Variants in PACS1 observed in about 807,000 individuals in gnomAD.
The protein encoded by PACS1 is PACS-1.
PACS1 carries 24 observed loss-of-function variants against 115.0 expected under a neutral mutation model. That is an observed-to-expected ratio of 0.21 (90% CI 0.15 to 0.29). PACS1 has a LOEUF of 0.29. Among genes scored for constraint, PACS1 ranks in the 10% least tolerant of loss-of-function variants. PACS1 has a pLI of 1.00. For missense variants in PACS1, 838 were observed against 1,251.2 expected, an observed-to-expected ratio of 0.67 and a Z score of 4.98; for synonymous variants, 453 against 504.5, an observed-to-expected ratio of 0.90 and a Z score of 1.37.
chr11:66,074,110 T>C (rs1468864073), intron 1 of PACS1, among the ~76,000 whole-genome samples: 1 of 151,800 alleles, frequency 6.6e-6, no homozygotes. Flanking sequence ...ATGTCCATGA[T>C]TAGAAATTTG....
At chr11:66,098,646 C>G (rs1226699523) in intron 1 of PACS1, among the ~76,000 whole-genome samples, 1 of 152,164 alleles carries the variant, frequency 6.6e-6, no homozygotes, top group Non-Finnish European at 1.5e-5. Context: ...GTTTGCTGCC[C>G]CAACTATATC....
intron 1 of PACS1, among the ~76,000 whole-genome samples, chr11:66,076,072 G>C (rs1024759544): frequency 1.3e-5 from 2 of 152,154 alleles, no homozygotes. Context: ...TGTACCTTAG[G>C]AGATTTGAAT....
At chr11:66,127,648 T>A (rs1858611842) in intron 1 of PACS1, among the ~76,000 whole-genome samples, 1 of 152,198 alleles carries the variant, frequency 6.6e-6, no homozygotes, top group Non-Finnish European at 1.5e-5. Context: ...CTGTGTGTAT[T>A]TCAGACAGCG....
At chr11:66,135,354 T>A (rs1250098787) in intron 1 of PACS1, among the ~76,000 whole-genome samples, 1 of 152,156 alleles carries the variant, frequency 6.6e-6, no homozygotes, top group Middle Eastern at 3.4e-3. Flanking sequence ...GAAGCCACGC[T>A]AAGGACTCAT....
intron 1 of PACS1, among the ~76,000 whole-genome samples, chr11:66,131,317 T>C (rs930515712): frequency 1.3e-5 from 2 of 152,244 alleles, no homozygotes; most frequent in African/African-American, 4.8e-5. Context: ...GTTATTAATA[T>C]CTTTTTAAAC....
intron 1 of PACS1, among the ~76,000 whole-genome samples, chr11:66,147,180 G>T (rs1193652374): frequency 6.6e-6 from 1 of 152,170 alleles, no homozygotes; most frequent in Non-Finnish European, 1.5e-5. Context: ...AAACAGTGTA[G>T]GGTAGAAGGC....
intron 2 of PACS1, among the ~76,000 whole-genome samples, chr11:66,209,903 C>CA (rs1306532256): frequency 6.7e-6 from 1 of 150,068 alleles, no homozygotes. Flanking sequence ...AGACTCGTCT[C>CA]AAAAAAAATA....
intron 1 of PACS1, among the ~76,000 whole-genome samples, chr11:66,167,805 A>G (rs1859642699): frequency 6.7e-6 from 1 of 149,856 alleles, no homozygotes; most frequent in African/African-American, 2.5e-5. Context: ...TTTCTGCATG[A>G]TTGTGGGATT....
In PACS1 at chr11:66,236,024, A is replaced by T; in HGVS notation, c.2250+84A>T. On this transcript the variant is annotated intron_variant, in intron 19 of 23. Transcript: ENST00000320580. The surrounding 1 kb of genome is among the most constrained non-coding windows in gnomAD (Gnocchi z 4.2). The stretch of plus-strand genomic sequence containing the variant: ...CCTTACACAGGAAAACAAAAGATTC[A>T]TCTAGAACAGTGGTTCTCCAGACAC... 1 of 1,270,818 alleles carries T rather than the reference A, an allele frequency of 7.9e-7. No homozygotes were observed. Among genetic ancestry groups the T allele is most frequent in the Non-Finnish European group, 1.2e-6 (1 of 866,622 alleles). 78.7% of individuals were successfully genotyped at this position (1,270,818 alleles called of 1,614,324 possible). A position where few individuals can be genotyped will look rare whatever the true frequency, so the allele number is the denominator to read the frequency against.
At chr11:66,139,771 T>A (rs486311) in intron 1 of PACS1, among the ~76,000 whole-genome samples, 70,891 of 151,920 alleles carry the variant, frequency 0.47, 18,046 homozygotes, top group South Asian at 0.63. Flanking sequence ...GACACTTGCT[T>A]TCAAATCTTG....
intron 4 of PACS1, among the ~76,000 whole-genome samples, chr11:66,215,773 G>A (rs963225009): frequency 2.0e-5 from 3 of 151,662 alleles, no homozygotes; most frequent in South Asian, 4.2e-4. Context: ...GGTGGCAGAC[G>A]CCTGTAATCC....
At chr11:66,146,427 C>T (rs1211940109) in intron 1 of PACS1, among the ~76,000 whole-genome samples, 1 of 152,056 alleles carries the variant, frequency 6.6e-6, no homozygotes, top group Non-Finnish European at 1.5e-5. Context: ...TAAAAATTCA[C>T]TACAGGAATT....
At chr11:66,087,397 A>G (rs1453115556) in intron 1 of PACS1, among the ~76,000 whole-genome samples, 16 of 152,002 alleles carry the variant, frequency 1.1e-4, no homozygotes, top group Admixed American at 9.2e-4. Flanking sequence ...ATGCGCTACC[A>G]TGCCCCGCTA....
intron 1 of PACS1, among the ~76,000 whole-genome samples, chr11:66,129,586 G>C (rs1858658336): frequency 1.3e-5 from 2 of 151,826 alleles, no homozygotes; most frequent in Non-Finnish European, 2.9e-5. Flanking sequence ...TGGGATAATG[G>C]TGTGAGCCAC....
chr11:66,239,040 G>A (rs1011089431), intron 20 of PACS1, 102 bp from the exon 21 acceptor site: 13 of 1,556,202 alleles, frequency 8.4e-6, no homozygotes, highest in South Asian at 1.1e-5. Context: ...GGCCAAAGGA[G>A]GAAAGCAGGC....
chr11:66,239,035 A>G, intron 20 of PACS1, 107 bp from the exon 21 acceptor site: 1 of 1,542,496 alleles, frequency 6.5e-7, no homozygotes, highest in Non-Finnish European at 8.9e-7. Context: ...CCTGGGGCCA[A>G]AGGAGGAAAG....
At chr11:66,211,050 C>A in intron 3 of PACS1, 84 bp from the exon 4 acceptor site, 1 of 1,473,754 alleles carries the variant, frequency 6.8e-7, no homozygotes, top group Non-Finnish European at 9.4e-7. Flanking sequence ...AGAATTGAAG[C>A]ACAGAAAGAC....
intron 1 of PACS1, among the ~76,000 whole-genome samples, chr11:66,081,784 C>A (rs921593449): frequency 2.0e-5 from 3 of 152,196 alleles, no homozygotes; most frequent in African/African-American, 7.2e-5. Flanking sequence ...AGCAACTGAA[C>A]CGGTTTACAG....
intron 1 of PACS1, among the ~76,000 whole-genome samples, chr11:66,095,201 A>G (rs1482613332): frequency 2.0e-5 from 3 of 151,330 alleles, no homozygotes; most frequent in Admixed American, 6.6e-5. Context: ...GGCCAGGGCA[A>G]TTAGGCAGGA....
Sources: allele counts gnomAD v4.1 joint callset (sites outside exome capture counted in the v4.1 genomes callset), GRCh38; gene constraint gnomAD v4.1.1; non-coding constraint Gnocchi (gnomAD v3.1); transcripts MANE v1.5; gene names NCBI Gene and HGNC (gene_info 2026-07-23, HGNC 2026-07-21).